Variants in CCDC97 observed in about 807,000 individuals in gnomAD.
CCDC97 encodes the protein coiled-coil domain containing 97.
CCDC97 carries 27 observed loss-of-function variants against 33.9 expected under a neutral mutation model. The ratio of observed to expected loss-of-function variants is 0.80; its 90% CI spans 0.59 to 1.10. The LOEUF (loss-of-function observed/expected upper bound fraction) is 1.10. Ranked by LOEUF, CCDC97 falls within the 50% of genes least tolerant of loss-of-function variation. The probability of loss-of-function intolerance (pLI) is 0.00; values close to 1 mark genes in which losing one functional copy is unlikely to be tolerated. For synonymous variants in CCDC97, 217 were observed against 194.0 expected (o/e 1.12, Z -0.99); for missense variants, 422 against 476.6 (o/e 0.89, Z 1.07).
Position 41,316,706 on chromosome 19 carries a change from T to C in CCDC97, c.369T>C (p.Phe123=). 1 of 1,613,980 alleles carries C rather than the reference T, an allele frequency of 6.2e-7. No homozygotes were observed. The highest frequency in any genetic ancestry group is 2.2e-5 in the East Asian group (1 of 44,888). ...TGLREEHLAC[F]GHVRGDHRAD... ...TCCGTGAGGAGCATCTGGCCTGCTT[T>C]GGCCACGTGCGTGGCGACCACCGTG... Residue 123 remains phenylalanine, a synonymous_variant, in exon 2 of 5, where the codon TTT becomes TTC. Coordinates refer to ENST00000269967, the MANE Select transcript of CCDC97 (RefSeq NM_052848.3).
intron 2 of CCDC97, among the ~76,000 whole-genome samples, chr19:41,319,128 G>A (rs2037784588): frequency 6.6e-6 from 1 of 152,156 alleles, no homozygotes; most frequent in Non-Finnish European, 1.5e-5. Flanking sequence ...AGTTGTACAC[G>A]AGCTCCAGAC....
Position 41,319,623 on chromosome 19 carries a change from A to G in CCDC97, c.552A>G (p.Leu184=). 6.2e-7 allele frequency: 1 copy of G among 1,613,606 alleles called. No homozygotes were observed. The highest frequency in any genetic ancestry group is 8.5e-7 in the Non-Finnish European group (1 of 1,179,712). ...AGATGCGGTTCCGGGCCCCCCTGCT[A>G]TATGAGCAGTACATCGGGCAGTATC... is the stretch of plus-strand genomic sequence containing the variant. ...DEQMRFRAPL[L]YEQYIGQYLT... Residue 184 remains leucine, a synonymous_variant, in exon 3 of 5, where the codon CTA becomes CTG. Coordinates refer to ENST00000269967, the MANE Select transcript of CCDC97 (RefSeq NM_052848.3).
intron 2 of CCDC97, among the ~76,000 whole-genome samples, chr19:41,318,374 C>T (rs1455632840): frequency 6.6e-6 from 1 of 152,146 alleles, no homozygotes; most frequent in African/African-American, 2.4e-5. Context: ...ATCACTTGAA[C>T]CCGGGAGGCG....
Position 41,310,183 on chromosome 19 carries a change from T to C in CCDC97, c.-128T>C, listed in dbSNP as rs1051611514. ...GCAACGTCTGCCTTAGGCCCGGAAC[T>C]TCGGTGCCTGGGCGCAGCGGTGCAC... On this transcript the variant is annotated 5_prime_UTR_variant, in exon 1 of 5. Coordinates refer to ENST00000269967, the MANE Select transcript of CCDC97 (RefSeq NM_052848.3). 153 of 1,357,608 alleles carry C rather than the reference T, an allele frequency of 1.1e-4. No individual in the cohort carries two copies. The highest frequency in any genetic ancestry group is 6.7e-4 in the South Asian group (52 of 77,606). 84.1% of individuals were successfully genotyped at this position (1,357,608 alleles called of 1,614,324 possible).
In CCDC97 at chr19:41,324,195, C is replaced by G. The variant is rs1401014464; in HGVS notation, c.*1480C>G. ...AGAGCGACTATTAAAGAACGAAAGC[C>G]TCTGCTACGGAGCGCTTCTGTCCTC... On this transcript the variant is annotated 3_prime_UTR_variant, in exon 5 of 5. Transcript: ENST00000269967. 1 of 152,258 alleles carries G rather than the reference C, an allele frequency of 6.6e-6. No homozygotes were observed. Among genetic ancestry groups the G allele is most frequent in the Non-Finnish European group, 1.5e-5 (1 of 68,060 alleles). 9.4% of individuals were successfully genotyped at this position (152,258 alleles called of 1,614,324 possible). A position where few individuals can be genotyped will look rare whatever the true frequency, so the allele number is the denominator to read the frequency against.
In CCDC97 at chr19:41,323,799, T is replaced by TGGGA. The variant is rs2037853263; in HGVS notation, c.*1085_*1086insGGAG. 1 of 153,088 alleles carries TGGGA rather than the reference T, an allele frequency of 6.5e-6. No homozygotes were observed. The highest frequency in any genetic ancestry group is 1.5e-5 in the Non-Finnish European group (1 of 68,388). 9.5% of individuals were successfully genotyped at this position (153,088 alleles called of 1,614,324 possible). On this transcript the variant is annotated 3_prime_UTR_variant, in exon 5 of 5. Transcript: ENST00000269967. ...GCAGGGCCCGCCCCATGGAGCCCCC[T>TGGGA]GCCGCCCTGGGCTAATGGGAGCCAG...
In CCDC97 at chr19:41,316,838, A is replaced by G; in HGVS notation, c.501A>G (p.Gln167=). 1 of 1,580,836 alleles carries G rather than the reference A, an allele frequency of 6.3e-7. No individual in the cohort carries two copies. The change falls in exon 2 of 5, where the codon CAA becomes CAG. Residue 167 remains glutamine (Q), a splice_region_variant and synonymous_variant. Transcript: ENST00000269967. ...RRYAALRELI[Q]GGEYFSDEQM... is the part of the protein sequence containing the mutation. ...ATGCTGCCCTGCGAGAGCTGATCCA[A>G]GGTGTGGGGGCCAGATGGGCGACAG...
Position 41,316,430 on chromosome 19 carries a change from A to G in CCDC97, c.93A>G (p.Thr31=). ...GPGHWGELSR[T]PVPSKPQDKV... ...GGCACTGGGGTGAGCTGAGCCGGACACCAGTCCCATCTAAACCCCAGGACA... is the reference window on the plus strand; with the variant it reads ...GGCACTGGGGTGAGCTGAGCCGGACGCCAGTCCCATCTAAACCCCAGGACA... The change falls in exon 2 of 5, where the codon ACA becomes ACG. Residue 31 remains threonine (T), a synonymous_variant. Coordinates refer to ENST00000269967, the MANE Select transcript of CCDC97 (RefSeq NM_052848.3). 1 of 1,614,086 alleles carries G rather than the reference A, an allele frequency of 6.2e-7. No individual in the cohort carries two copies. Among genetic ancestry groups the G allele is most frequent in the Non-Finnish European group, 8.5e-7 (1 of 1,179,972 alleles).
chr19:41,319,360 G>A (rs1461939868), intron 2 of CCDC97, among the ~76,000 whole-genome samples: 2 of 151,160 alleles, frequency 1.3e-5, no homozygotes, highest in Non-Finnish European at 3.0e-5. Context: ...TGCCTCAGGC[G>A]CCTGCATTAT....
Position 41,323,071 on chromosome 19 carries a change from C to CT in CCDC97, c.*357dup, listed in dbSNP as rs1261905513. ...TCCCCCTCTCTCTCTGCCTTAGGCT[C>CT]TGTCTCCACCGCAGGGCCCAAGGTG... is the stretch of plus-strand genomic sequence containing the variant. On this transcript the variant is annotated 3_prime_UTR_variant, in exon 5 of 5. Coordinates refer to ENST00000269967, the MANE Select transcript of CCDC97 (RefSeq NM_052848.3). The CT allele has an allele frequency of 5.7e-6, 1 of 174,036 alleles. No homozygotes were observed. Among genetic ancestry groups the CT allele is most frequent in the African/African-American group, 2.4e-5 (1 of 41,810 alleles). 10.8% of individuals were successfully genotyped at this position (174,036 alleles called of 1,614,324 possible). A position where few individuals can be genotyped will look rare whatever the true frequency, so the allele number is the denominator to read the frequency against.
At chr19:41,320,986 G>A (rs577121994) in intron 4 of CCDC97, among the ~76,000 whole-genome samples, 9 of 152,250 alleles carry the variant, frequency 5.9e-5, no homozygotes, top group Non-Finnish European at 1.0e-4. Context: ...GGAGAGTGAT[G>A]TGTCAGTCAA....
chr19:41,310,661 T>A lies in CCDC97; in HGVS notation c.46+305T>A, dbSNP rs116376592. The A allele has an allele frequency of 2.3e-3, 3,004 of 1,309,758 alleles. 68 individuals are homozygous for A. The African/African-American group carries it at 0.041, about 18-fold the overall frequency. The allele number at this position is 1,309,758 out of a possible 1,614,324, so 81.1% of individuals were successfully genotyped here. A position where few individuals can be genotyped will look rare whatever the true frequency, so the allele number is the denominator to read the frequency against. ...TAACAGAAACCTCTCTACCCCGGCC[T>A]AATTCCTGCATTGCCTCAGACCAGC... On this transcript the variant is annotated intron_variant, in intron 1 of 4. Transcript: ENST00000269967.
At chr19:41,320,584 C>T (rs1184565843) in intron 4 of CCDC97, 114 bp downstream of exon 4, 3 of 1,363,832 alleles carry the variant, frequency 2.2e-6, no homozygotes, top group Non-Finnish European at 3.1e-6. Flanking sequence ...TACAAGGCCC[C>T]AAAACAGTTC....
intron 4 of CCDC97, among the ~76,000 whole-genome samples, chr19:41,321,412 G>A (rs1293116556): frequency 6.6e-6 from 1 of 150,996 alleles, no homozygotes; most frequent in African/African-American, 2.4e-5. Context: ...AGGGACCACA[G>A]TGTGTTGCCT....
At position 41,310,232 on chromosome 19, in the gene CCDC97, G is replaced by A; in HGVS notation, c.-79G>A. On this transcript the variant is annotated 5_prime_UTR_variant, in exon 1 of 5. Transcript: ENST00000269967. Reference sequence around the variant, plus strand: ...ACCCGGACCCGGAACATTCTCAGGCGAAAGTGTCTCTTGCGTGCGTGGGCC... The same window carrying A: ...ACCCGGACCCGGAACATTCTCAGGCAAAAGTGTCTCTTGCGTGCGTGGGCC... The A allele has an allele frequency of 6.5e-7, 1 of 1,541,414 alleles. No homozygotes were observed. The highest frequency in any genetic ancestry group is 8.8e-7 in the Non-Finnish European group (1 of 1,137,992).
In CCDC97 at chr19:41,316,305, G is replaced by A. The variant is rs2037744560; in HGVS notation, c.47-79G>A. The A allele has an allele frequency of 6.2e-6, 7 of 1,132,102 alleles. No homozygotes were observed. The South Asian group carries it at 1.0e-4, about 17-fold the overall frequency. The allele number at this position is 1,132,102 out of a possible 1,614,324, so 70.1% of individuals were successfully genotyped here. A position where few individuals can be genotyped will look rare whatever the true frequency, so the allele number is the denominator to read the frequency against. The stretch of plus-strand genomic sequence containing the variant: ...AGAATATAGTCAGTGCCCAGTAAAT[G>A]TGAGCTGAGTGAGTGACTAAGCCCC... On this transcript the variant is annotated intron_variant, in intron 1 of 4. Coordinates refer to ENST00000269967, the MANE Select transcript of CCDC97 (RefSeq NM_052848.3).
chr19:41,315,752 TGCACTCCA>T (rs1162187172), intron 1 of CCDC97, among the ~76,000 whole-genome samples: 1 of 151,834 alleles, frequency 6.6e-6, no homozygotes, highest in African/African-American at 2.4e-5. Context: ...GTTGTGCCAT[TGCACTCCA>T]GCCTGGCAAT....
chr19:41,310,261 G>A lies in CCDC97; in HGVS notation c.-50G>A. On this transcript the variant is annotated 5_prime_UTR_variant, in exon 1 of 5. Transcript: ENST00000269967. ...GTGTCTCTTGCGTGCGTGGGCCGGA[G>A]GTTAGTGTGCGGGGCCCGCCGGGCG... 2 of 1,567,076 alleles carry A rather than the reference G, an allele frequency of 1.3e-6. No individual in the cohort carries two copies. Among genetic ancestry groups the A allele is most frequent in the Non-Finnish European group, 1.7e-6 (2 of 1,155,870 alleles).
intron 1 of CCDC97, among the ~76,000 whole-genome samples, chr19:41,312,556 A>G (rs2037698467): frequency 6.6e-6 from 1 of 152,206 alleles, no homozygotes; most frequent in East Asian, 1.9e-4. Flanking sequence ...TGCTGTAACA[A>G]AGTACTACAA....
Sources: gnomAD v4.1 joint callset for allele counts (sites outside exome capture counted in the v4.1 genomes callset) on GRCh38, gnomAD v4.1.1 for gene constraint, MANE v1.5 for transcripts, NCBI Gene and HGNC (gene_info 2026-07-23, HGNC 2026-07-21) for gene names.